Variants in ADAMTS2 observed in about 807,000 individuals in gnomAD.
ADAMTS2 encodes A disintegrin and metalloproteinase with thrombospondin motifs 2.
Under a neutral mutation model 123.0 loss-of-function variants are expected in ADAMTS2, and 50 were observed. That is an observed-to-expected ratio of 0.41 (90% CI 0.32 to 0.51). The LOEUF (loss-of-function observed/expected upper bound fraction) is 0.51, where lower values mean the gene tolerates loss of function less well. Among genes scored for constraint, ADAMTS2 ranks in the 20% least tolerant of loss-of-function variants. The pLI, the probability that ADAMTS2 is intolerant of heterozygous loss-of-function variation, is 0.35. For missense variants in ADAMTS2, 1,494 were observed against 1,705.2 expected (o/e 0.88, Z 2.18); for synonymous variants, 678 against 695.4 (o/e 0.98, Z 0.39).
chr5:179,230,238 G>A (rs1049833383), intron 3 of ADAMTS2, among the ~76,000 whole-genome samples: 3 of 152,148 alleles, frequency 2.0e-5, no homozygotes, highest in Non-Finnish European at 4.4e-5. Flanking sequence ...CGGGGGCAAG[G>A]GGGGAGGGGA....
At chr5:179,253,799 C>A (rs1030162505) in intron 3 of ADAMTS2, among the ~76,000 whole-genome samples, 1 of 152,204 alleles carries the variant, frequency 6.6e-6, no homozygotes, top group Non-Finnish European at 1.5e-5. Flanking sequence ...TCACTTCCTG[C>A]CCCCTCTCCT....
At chr5:179,243,988 A>G (rs1028620379) in intron 3 of ADAMTS2, among the ~76,000 whole-genome samples, 2 of 152,208 alleles carry the variant, frequency 1.3e-5, no homozygotes, top group Non-Finnish European at 2.9e-5. Context: ...ACAGGGAAAA[A>G]AGAATGAAGA....
At chr5:179,201,400 G>A (rs1339211819) in intron 4 of ADAMTS2, among the ~76,000 whole-genome samples, 9 of 152,146 alleles carry the variant, frequency 5.9e-5, no homozygotes, top group Non-Finnish European at 1.0e-4. Flanking sequence ...CATATGGTGC[G>A]ATGTTATGCA....
rs973550910 is a variant in ADAMTS2, at chr5:179,213,480, G to A, written c.689-5765C>T. 9.2e-5 allele frequency among the ~76,000 whole-genome samples: 14 copies of A among 152,196 alleles called. 1 individual carries two copies. Among genetic ancestry groups the A allele is most frequent in the African/African-American group, 2.4e-4 (10 of 41,436 alleles). ...TAACCGCAGGGCTGTGAGGGGCCTG[G>A]AGCCATGGCAGAGAGGTGCTCTGGG... On this transcript the variant is annotated intron_variant, in intron 3 of 21. Transcript: ENST00000251582.
rs1011091997 is a variant in ADAMTS2 at position 179,272,788 on chromosome 5, C to T, written c.688+123G>A. The T allele has an allele frequency of 1.7e-5, 22 of 1,289,052 alleles. No individual in the cohort carries two copies. The highest frequency in any genetic ancestry group is 3.0e-5 in the African/African-American group (2 of 67,244). The allele number at this position is 1,289,052 out of a possible 1,614,324, so 79.9% of individuals were successfully genotyped here. A position where few individuals can be genotyped will look rare whatever the true frequency, so the allele number is the denominator to read the frequency against. On this transcript the variant is annotated intron_variant, in intron 3 of 21. Coordinates refer to ENST00000251582, the MANE Select transcript of ADAMTS2 (RefSeq NM_014244.5). The surrounding 1 kb of genome is among the most constrained non-coding windows in gnomAD (Gnocchi z 5.8). ...TGGCCCATTTCTGAGCCACTGAGAC[C>T]GGGGCTCAGCCTCAGCAGCCAAGCT...
intron 4 of ADAMTS2, among the ~76,000 whole-genome samples, chr5:179,193,616 C>A (rs1175957227): frequency 1.3e-5 from 2 of 152,184 alleles, no homozygotes; most frequent in Admixed American, 6.5e-5. Context: ...AGATAGAGTT[C>A]ATTTTTATGG....
chr5:179,131,909 G>T (rs1178649029), intron 15 of ADAMTS2, among the ~76,000 whole-genome samples: 3 of 152,200 alleles, frequency 2.0e-5, no homozygotes, highest in African/African-American at 7.2e-5. Flanking sequence ...CGAGGGCAGG[G>T]GGCCTTCCCG....
At chr5:179,343,556 C>A (rs1033245715) in intron 2 of ADAMTS2, among the ~76,000 whole-genome samples, 19 of 152,184 alleles carry the variant, frequency 1.2e-4, no homozygotes, top group Non-Finnish European at 2.2e-4. Flanking sequence ...GGGCGCTCCC[C>A]ATGCATAAAT....
In ADAMTS2 at chr5:179,256,337, A is replaced by C. The variant is rs569381765; in HGVS notation, c.688+16574T>G. Among the ~76,000 whole-genome samples the C allele has an allele frequency of 6.6e-6, 1 of 152,122 alleles. No individual in the cohort carries two copies. The highest frequency in any genetic ancestry group is 2.1e-4 in the South Asian group (1 of 4,800). On this transcript the variant is annotated intron_variant, in intron 3 of 21. Coordinates refer to ENST00000251582, the MANE Select transcript of ADAMTS2 (RefSeq NM_014244.5). The surrounding 1 kb of genome is among the most constrained non-coding windows in gnomAD (Gnocchi z 4.1). ...GAAAATAGTGTCAGGCCTGCCATGG[A>C]GCTTTGGGCCTGAGGCCTCAGCTGA...
At chr5:179,326,201 CGTGTGTGTGTGTGT>C (rs60626964) in intron 2 of ADAMTS2, among the ~76,000 whole-genome samples, 1 of 148,594 alleles carries the variant, frequency 6.7e-6, no homozygotes, top group Non-Finnish European at 1.5e-5. Flanking sequence ...TTTGTGTGTG[CGTGTGTGTGTGTGT>C]GTGTGTGTGT....
chr5:179,329,740 C>A (rs1305148105), intron 2 of ADAMTS2, among the ~76,000 whole-genome samples: 1 of 152,172 alleles, frequency 6.6e-6, no homozygotes, highest in East Asian at 1.9e-4. Context: ...TATAAACCCA[C>A]CCAAGCTAGC....
intron 2 of ADAMTS2, among the ~76,000 whole-genome samples, chr5:179,331,933 CCCTCAGGTTAAGG>C (rs1387223844): frequency 1.3e-5 from 2 of 152,212 alleles, no homozygotes; most frequent in Non-Finnish European, 2.9e-5. Context: ...GTCAGCTTAG[CCCTCAGGTTAAGG>C]CCTCAGTCCC....
intron 2 of ADAMTS2, among the ~76,000 whole-genome samples, chr5:179,320,119 T>C (rs1039372214): frequency 1.3e-5 from 2 of 152,234 alleles, no homozygotes; most frequent in Non-Finnish European, 2.9e-5. Flanking sequence ...TCACTGTCCC[T>C]GCCCTGCCTG....
In ADAMTS2 at chr5:179,189,350, ATT is replaced by A. The variant is rs35847485; in HGVS notation, c.892-8197_892-8196del. ...GGGATAGACGGTGGAGTTAGGAGCA[ATT>A]TTTTTTTTTTTTTGAGACGGAGTCT... On this transcript the variant is annotated intron_variant, in intron 4 of 21. Coordinates refer to ENST00000251582, the MANE Select transcript of ADAMTS2 (RefSeq NM_014244.5). The surrounding 1 kb of genome is among the most constrained non-coding windows in gnomAD (Gnocchi z 4.2). 5.4e-4 allele frequency among the ~76,000 whole-genome samples: 76 copies of A among 141,622 alleles called. No individual in the cohort carries two copies. In the South Asian group the frequency reaches 0.013, roughly 23 times the overall value. 92.9% of individuals were successfully genotyped at this position (141,622 alleles called of 152,430 possible).
intron 3 of ADAMTS2, among the ~76,000 whole-genome samples, chr5:179,223,404 ATG>A (rs1354459290): frequency 8.2e-6 from 1 of 121,704 alleles, no homozygotes; most frequent in Non-Finnish European, 1.8e-5. Flanking sequence ...ACACACACGC[ATG>A]CAGTCACATA....
At chr5:179,274,094 T>G (rs1766625213) in intron 2 of ADAMTS2, among the ~76,000 whole-genome samples, 5 of 128,054 alleles carry the variant, frequency 3.9e-5, no homozygotes, top group African/African-American at 1.5e-4. Context: ...TGCCCTCCCC[T>G]GCCATCCAGC....
At chr5:179,231,781 G>T (rs149777937) in intron 3 of ADAMTS2, among the ~76,000 whole-genome samples, 2 of 151,932 alleles carry the variant, frequency 1.3e-5, no homozygotes, top group Non-Finnish European at 2.9e-5. Context: ...CAGAGGCAGT[G>T]GCTCACCCCT....
At chr5:179,164,125 C>A (rs978874650) in intron 5 of ADAMTS2, among the ~76,000 whole-genome samples, 1 of 152,208 alleles carries the variant, frequency 6.6e-6, no homozygotes, top group East Asian at 1.9e-4. Flanking sequence ...GCTTAACTGA[C>A]AAGCCACAGA....
At position 179,234,645 on chromosome 5, in the gene ADAMTS2, C is replaced by G. The variant is rs1186577510; in HGVS notation, c.689-26930G>C. On this transcript the variant is annotated intron_variant, in intron 3 of 21. Coordinates refer to ENST00000251582, the MANE Select transcript of ADAMTS2 (RefSeq NM_014244.5). This position sits in a 1 kb window ranked among gnomAD's most constrained non-coding sequence, Gnocchi z 4.7. ...AAACAAACCTGTCACCTTTCCCTAC[C>G]CCAACCCATCAGCCATTGCTGCTGT... Among the ~76,000 whole-genome samples, 1 of 152,146 alleles carries G rather than the reference C, an allele frequency of 6.6e-6. No individual in the cohort carries two copies. The highest frequency in any genetic ancestry group is 6.5e-5 in the Admixed American group (1 of 15,278).
Sources: gnomAD v4.1 joint callset for allele counts (sites outside exome capture counted in the v4.1 genomes callset) on GRCh38, gnomAD v4.1.1 for gene constraint, Gnocchi (gnomAD v3.1) non-coding constraint, MANE v1.5 for transcripts, NCBI Gene and HGNC (gene_info 2026-07-23, HGNC 2026-07-21) for gene names.